The following GRM5 variants were observed in gnomAD, a reference collection of about 807,000 sequenced individuals.
GRM5 encodes glutamate metabotropic receptor 5.
In GRM5, 19 loss-of-function variants were observed where a neutral mutation model predicts 83.1. The ratio of observed to expected loss-of-function variants is 0.23; its 90% CI spans 0.16 to 0.34. The LOEUF is 0.34. GRM5 is among the 10% of genes least tolerant of loss of function. The pLI is 1.00. For missense variants in GRM5, 1,160 were observed against 1,588.3 expected (o/e 0.73, Z 4.58); for synonymous variants, 675 against 633.6 (o/e 1.07, Z -0.98).
At chr11:89,007,016 C>T (rs1432531715) in intron 2 of GRM5, among the ~76,000 whole-genome samples, 1 of 152,200 alleles carries the variant, frequency 6.6e-6, no homozygotes, top group Non-Finnish European at 1.5e-5. Flanking sequence ...CCAGGATGGT[C>T]TCCATCTCCT....
At chr11:88,919,264 A>T (rs1221496167) in intron 2 of GRM5, among the ~76,000 whole-genome samples, 13 of 106,402 alleles carry the variant, frequency 1.2e-4, no homozygotes, top group East Asian at 5.2e-4. Context: ...ATATCGGATA[A>T]AATAGATTTT....
Position 88,508,557 on chromosome 11 carries a change from C to A in GRM5, c.*35G>T. 6.4e-7 allele frequency: 1 copy of A among 1,568,208 alleles called. No homozygotes were observed. The highest frequency in any genetic ancestry group is 1.1e-5 in the South Asian group (1 of 89,682). On this transcript the variant is annotated 3_prime_UTR_variant, in exon 10 of 10. Coordinates refer to ENST00000305447, the MANE Select transcript of GRM5 (RefSeq NM_001143831.3). This position sits in a 1 kb window ranked among gnomAD's most constrained non-coding sequence, Gnocchi z 4.2. ...GTGTGTGAACACGGGGGGCTCCGCT[C>A]CGCACGCGCAGGCCGGCGTGCTTTC...
chr11:88,789,627 G>T (rs1943135541), intron 3 of GRM5, among the ~76,000 whole-genome samples: 1 of 151,870 alleles, frequency 6.6e-6, no homozygotes, highest in South Asian at 2.1e-4. Context: ...TTATTCCCTT[G>T]TGGTACCATA....
chr11:88,795,863 A>G (rs996243236), intron 3 of GRM5, among the ~76,000 whole-genome samples: 1 of 152,170 alleles, frequency 6.6e-6, no homozygotes, highest in Admixed American at 6.5e-5. Context: ...ATATGTCCCT[A>G]TTGTGTAGGA....
intron 8 of GRM5, among the ~76,000 whole-genome samples, chr11:88,545,237 T>C (rs1942361190): frequency 6.6e-6 from 1 of 152,208 alleles, no homozygotes; most frequent in Non-Finnish European, 1.5e-5. Flanking sequence ...TTCTTGGTTC[T>C]TCCAAATTGT....
chr11:88,869,703 C>A (rs1333218627), intron 2 of GRM5, among the ~76,000 whole-genome samples: 1 of 151,486 alleles, frequency 6.6e-6, no homozygotes, highest in East Asian at 1.9e-4. Context: ...TAGAGAATCA[C>A]TTTATTCCTT....
rs556398839 is a variant in GRM5 at position 88,992,235 on chromosome 11, A to G, written c.661+54977T>C. ...ATGAACAGACACTTCTCAAAAGAAG[A>G]CATTTATGCAGCCAAAAAACACATG... On this transcript the variant is annotated intron_variant, in intron 2 of 9. Transcript: ENST00000305447. Among the ~76,000 whole-genome samples, 20 of 152,296 alleles carry G rather than the reference A, an allele frequency of 1.3e-4. No individual in the cohort carries two copies. In the South Asian group the frequency reaches 1.7e-3, roughly 13 times the overall value.
chr11:88,859,701 T>A (rs1399647505), intron 2 of GRM5, among the ~76,000 whole-genome samples: 3 of 152,128 alleles, frequency 2.0e-5, no homozygotes, highest in African/African-American at 7.2e-5. Context: ...TGGGTAAAAA[T>A]TGTTCAATTT....
At chr11:88,559,806 C>T (rs1441023183) in intron 8 of GRM5, among the ~76,000 whole-genome samples, 1 of 152,114 alleles carries the variant, frequency 6.6e-6, no homozygotes, top group Admixed American at 6.6e-5. Context: ...TGTGGCGAGT[C>T]TAGAGATGAT....
At chr11:88,834,894 C>T (rs904903187) in intron 3 of GRM5, among the ~76,000 whole-genome samples, 3 of 152,058 alleles carry the variant, frequency 2.0e-5, no homozygotes, top group East Asian at 1.9e-4. Flanking sequence ...TCTACTTTTT[C>T]GATTTTAGGG....
chr11:88,647,865 A>G (rs1322767980), intron 4 of GRM5, among the ~76,000 whole-genome samples: 5 of 152,158 alleles, frequency 3.3e-5, no homozygotes, highest in Admixed American at 2.6e-4. Flanking sequence ...ACACTTCTCA[A>G]AAGAAGACAT....
chr11:88,742,909 C>T (rs1181407361), intron 3 of GRM5, among the ~76,000 whole-genome samples: 3 of 152,056 alleles, frequency 2.0e-5, no homozygotes, highest in Non-Finnish European at 4.4e-5. Context: ...ATAGATGAAG[C>T]AGAAACAAGA....
chr11:88,939,014 A>T (rs1386511230), intron 2 of GRM5, among the ~76,000 whole-genome samples: 1 of 151,736 alleles, frequency 6.6e-6, no homozygotes, highest in East Asian at 1.9e-4. Flanking sequence ...ATTGCAGTAT[A>T]TTTTAAATTC....
intron 3 of GRM5, among the ~76,000 whole-genome samples, chr11:88,764,753 T>C (rs117631739): frequency 6.6e-6 from 1 of 151,510 alleles, no homozygotes; most frequent in Non-Finnish European, 1.5e-5. Context: ...ATTAAAAAAT[T>C]AGAAAAATTC....
intron 1 of GRM5, among the ~76,000 whole-genome samples, chr11:89,062,583 C>G (rs1942017097): frequency 6.6e-6 from 1 of 152,234 alleles, no homozygotes; most frequent in Non-Finnish European, 1.5e-5. Flanking sequence ...GAGACCCTAT[C>G]TTGGTTACTC....
intron 3 of GRM5, among the ~76,000 whole-genome samples, chr11:88,674,807 T>A (rs1245567338): frequency 1.3e-5 from 2 of 151,928 alleles, no homozygotes; most frequent in African/African-American, 2.4e-5. Flanking sequence ...TTTGCTGTTA[T>A]GAGTGAGATT....
intron 7 of GRM5, among the ~76,000 whole-genome samples, chr11:88,579,181 G>C (rs889175380): frequency 4.6e-5 from 7 of 152,024 alleles, no homozygotes; most frequent in African/African-American, 1.7e-4. Context: ...AGGAGGATTA[G>C]GTGATAGAAC....
At chr11:89,032,527 G>A (rs1480515075) in intron 2 of GRM5, among the ~76,000 whole-genome samples, 4 of 151,986 alleles carry the variant, frequency 2.6e-5, no homozygotes, top group Non-Finnish European at 4.4e-5. Context: ...TCCTAGACCT[G>A]AGTTTCTTTT....
chr11:88,921,815 TCTGCATTTGTAGATGA>T (rs1311785119), intron 2 of GRM5, among the ~76,000 whole-genome samples: 5 of 152,082 alleles, frequency 3.3e-5, no homozygotes, highest in Non-Finnish European at 7.4e-5. Flanking sequence ...AATCAAATTA[TCTGCATTTGTAGATGA>T]TAACTTATAT....
Sources: gnomAD v4.1 joint callset for allele counts (sites outside exome capture counted in the v4.1 genomes callset) on GRCh38, gnomAD v4.1.1 for gene constraint, Gnocchi (gnomAD v3.1) non-coding constraint, MANE v1.5 for transcripts, NCBI Gene and HGNC (gene_info 2026-07-23, HGNC 2026-07-21) for gene names.